The following GPHN variants were observed in gnomAD, a reference collection of about 807,000 sequenced individuals.
GPHN encodes the protein gephyrin.
A neutral mutation model predicts 95.5 loss-of-function variants in GPHN; 17 were observed. The ratio of observed to expected loss-of-function variants is 0.18; its 90% CI spans 0.12 to 0.27. The LOEUF is 0.27. GPHN is among the 10% of genes least tolerant of loss of function. GPHN has a pLI of 1.00. For synonymous variants in GPHN, 320 were observed against 322.5 expected (o/e 0.99, Z 0.08); for missense variants, 660 against 978.1 (o/e 0.67, Z 4.34).
At chr14:66,872,954 T>A (rs1375183521) in intron 4 of GPHN, among the ~76,000 whole-genome samples, 2 of 149,462 alleles carry the variant, frequency 1.3e-5, no homozygotes, top group Non-Finnish European at 3.0e-5. Flanking sequence ...CCCCTTCACA[T>A]CATTAATTTT....
chr14:66,636,691 G>C (rs1001236488), intron 1 of GPHN, among the ~76,000 whole-genome samples: 5 of 152,046 alleles, frequency 3.3e-5, no homozygotes, highest in Non-Finnish European at 7.4e-5. Context: ...ACACAATATT[G>C]TATTAAAAAG....
chr14:67,449,196 TAA>T, the GPHN span, among the ~76,000 whole-genome samples: 1 of 152,196 alleles, frequency 6.6e-6, no homozygotes, highest in Non-Finnish European at 1.5e-5. Flanking sequence ...TCTCCAATAC[TAA>T]GAGTCTGAAA....
At chr14:67,283,147 A>G in the GPHN span, among the ~76,000 whole-genome samples, 1 of 152,174 alleles carries the variant, frequency 6.6e-6, no homozygotes, top group Admixed American at 6.5e-5. Context: ...ATGAGATACT[A>G]TTAGTGTGAA....
intron 9 of GPHN, chr14:66,996,313 C>A: frequency 1.2e-6 from 1 of 867,348 alleles, no homozygotes; most frequent in Non-Finnish European, 1.9e-6. Flanking sequence ...TTTATTTTGC[C>A]TTGCACTTTG....
the GPHN span, among the ~76,000 whole-genome samples, chr14:67,286,659 C>G: frequency 4.6e-5 from 7 of 150,596 alleles, no homozygotes; most frequent in Admixed American, 1.3e-4. Context: ...AGTTGCAGAT[C>G]AGCCTGGGCA....
At chr14:66,790,670 A>AAGGGG (rs1175117326) in intron 3 of GPHN, among the ~76,000 whole-genome samples, 1 of 152,152 alleles carries the variant, frequency 6.6e-6, no homozygotes, top group Non-Finnish European at 1.5e-5. Flanking sequence ...AGGAAAGGGA[A>AAGGGG]AGGGGAGAAA....
intron 5 of GPHN, among the ~76,000 whole-genome samples, chr14:66,880,666 T>C (rs1469254953): frequency 1.3e-5 from 2 of 151,994 alleles, no homozygotes. Flanking sequence ...TTCATATTGT[T>C]AATCTTTTAA....
chr14:67,050,805 C>T (rs2075271799), intron 10 of GPHN, among the ~76,000 whole-genome samples: 1 of 151,858 alleles, frequency 6.6e-6, no homozygotes, highest in Admixed American at 6.6e-5. Flanking sequence ...ACTGACCAGG[C>T]AGTTGGTGCA....
At chr14:67,420,489 C>T in the GPHN span, among the ~76,000 whole-genome samples, 1 of 152,210 alleles carries the variant, frequency 6.6e-6, no homozygotes, top group East Asian at 1.9e-4. Flanking sequence ...TGACCAATCA[C>T]GCTCCTTTCT....
At chr14:67,638,048 G>A in the GPHN span, among the ~76,000 whole-genome samples, 3 of 152,194 alleles carry the variant, frequency 2.0e-5, no homozygotes, top group African/African-American at 7.2e-5. Flanking sequence ...AGGCATGAGA[G>A]CCACAAGCCA....
chr14:67,388,678 G>C, the GPHN span, among the ~76,000 whole-genome samples: 2 of 152,080 alleles, frequency 1.3e-5, no homozygotes, highest in South Asian at 4.1e-4. Flanking sequence ...TATATTTATA[G>C]TAATCATTTC....
intron 18 of GPHN, among the ~76,000 whole-genome samples, chr14:67,148,422 A>G (rs987410451): frequency 4.6e-5 from 7 of 152,142 alleles, no homozygotes; most frequent in African/African-American, 1.4e-4. Flanking sequence ...GTCCTTTATT[A>G]TGCTCTTTTA....
the GPHN span, among the ~76,000 whole-genome samples, chr14:67,351,912 A>C: frequency 8.6e-6 from 1 of 115,638 alleles, no homozygotes; most frequent in Admixed American, 9.9e-5. Flanking sequence ...AACCTCTACC[A>C]AAAAAAAAAA....
intron 1 of GPHN, among the ~76,000 whole-genome samples, chr14:66,664,024 A>G (rs920652432): frequency 6.6e-6 from 1 of 152,196 alleles, no homozygotes; most frequent in Non-Finnish European, 1.5e-5. Flanking sequence ...CTCCCACACA[A>G]TAATAGTGGG....
chr14:67,376,354 C>T, the GPHN span: 2 of 1,297,220 alleles, frequency 1.5e-6, no homozygotes, highest in Admixed American at 2.6e-5. Context: ...TTATTGTAGC[C>T]AAATTATGTT....
At chr14:66,908,630 TG>T (rs1356129411) in intron 5 of GPHN, among the ~76,000 whole-genome samples, 1 of 152,002 alleles carries the variant, frequency 6.6e-6, no homozygotes, top group Non-Finnish European at 1.5e-5. Context: ...GGGGTCAGGT[TG>T]GGGAAGAGTA....
chr14:67,005,764 C>T (rs2072563176), intron 9 of GPHN, among the ~76,000 whole-genome samples: 1 of 151,828 alleles, frequency 6.6e-6, no homozygotes, highest in Non-Finnish European at 1.5e-5. Context: ...GTGAATTTGA[C>T]TTAATTTCCA....
At position 66,674,641 on chromosome 14, in the gene GPHN, T is replaced by A. The variant is rs568016014; in HGVS notation, c.65-6466T>A. ...TATTGCTGTGTATGAATGCATTTAA[T>A]TCTCTCTCTCTTTTTTATGACTGAA... On this transcript the variant is annotated intron_variant, in intron 1 of 22. Coordinates refer to ENST00000478722, the MANE Select transcript of GPHN (RefSeq NM_020806.5). 4.8e-4 allele frequency among the ~76,000 whole-genome samples: 73 copies of A among 152,318 alleles called. 3 individuals carry two copies. In the South Asian group the frequency reaches 0.015, roughly 31 times the overall value.
chr14:66,726,804 GA>G (rs1286124995), intron 2 of GPHN, among the ~76,000 whole-genome samples: 1 of 152,104 alleles, frequency 6.6e-6, no homozygotes. Context: ...TGCCACAGGT[GA>G]AAAATTGCAC....
Sources: gnomAD v4.1 joint callset for allele counts (sites outside exome capture counted in the v4.1 genomes callset) on GRCh38, gnomAD v4.1.1 for gene constraint, MANE v1.5 for transcripts, NCBI Gene and HGNC (gene_info 2026-07-23, HGNC 2026-07-21) for gene names.